ENAH: variants seen among roughly 807,000 people sequenced by gnomAD.
The protein encoded by ENAH is ENAH actin regulator.
A neutral mutation model predicts 78.7 loss-of-function variants in ENAH; 23 were observed. The ratio of observed to expected loss-of-function variants is 0.29; its 90% confidence interval spans 0.21 to 0.41. ENAH has a LOEUF of 0.41. ENAH is among the 10% of genes least tolerant of loss of function. The pLI is 1.00. For missense variants in ENAH, 544 were observed against 691.0 expected (o/e 0.79, Z 2.39); for synonymous variants, 226 against 241.0 (o/e 0.94, Z 0.58).
At chr1:225,522,135 C>G (rs1326735251) in intron 4 of ENAH, among the ~76,000 whole-genome samples, 1 of 152,138 alleles carries the variant, frequency 6.6e-6, no homozygotes, top group Non-Finnish European at 1.5e-5. Flanking sequence ...TTGGGACTTT[C>G]TGGACTGGCT....
At chr1:225,504,911 A>G (rs1553413536) in intron 11 of ENAH, 2 of 1,041,018 alleles carry the variant, frequency 1.9e-6, no homozygotes, top group Non-Finnish European at 2.8e-6. Context: ...GTGATTACCA[A>G]TCCAGGTAGA....
chr1:225,530,907 TAAAAC>T (rs1439551601), intron 3 of ENAH: 2 of 419,146 alleles, frequency 4.8e-6, no homozygotes, highest in African/African-American at 2.0e-5. Context: ...AGAGCTTGAG[TAAAAC>T]AAGTGTTCGA....
chr1:225,637,081 T>C (rs1445505667), intron 1 of ENAH, among the ~76,000 whole-genome samples: 2 of 152,148 alleles, frequency 1.3e-5, no homozygotes, highest in African/African-American at 4.8e-5. Context: ...TGAATTCACA[T>C]GGGGAGTATT....
At chr1:225,543,424 G>C (rs2096598857) in intron 3 of ENAH, among the ~76,000 whole-genome samples, 2 of 152,148 alleles carry the variant, frequency 1.3e-5, no homozygotes, top group Non-Finnish European at 2.9e-5. Flanking sequence ...AAATTTTCCA[G>C]AACACAGAAG....
At chr1:225,637,620 T>C (rs1660297608) in intron 1 of ENAH, among the ~76,000 whole-genome samples, 1 of 152,164 alleles carries the variant, frequency 6.6e-6, no homozygotes, top group African/African-American at 2.4e-5. Context: ...GTAATGCAAA[T>C]AACCATTCTA....
At chr1:225,621,567 C>T (rs1240140957) in intron 1 of ENAH, among the ~76,000 whole-genome samples, 3 of 151,968 alleles carry the variant, frequency 2.0e-5, no homozygotes, top group Admixed American at 2.0e-4. Context: ...GCTGGGATTA[C>T]AGGCGTGAGC....
intron 9 of ENAH, among the ~76,000 whole-genome samples, chr1:225,512,299 CAT>C (rs1287189564): frequency 2.6e-5 from 4 of 152,322 alleles, no homozygotes; most frequent in African/African-American, 4.8e-5. Context: ...CTAAGGGAAA[CAT>C]ATGAATTTAG....
At chr1:225,565,279 T>C (rs1397583553) in intron 2 of ENAH, among the ~76,000 whole-genome samples, 2 of 151,770 alleles carry the variant, frequency 1.3e-5, no homozygotes, top group African/African-American at 2.4e-5. Context: ...CTACTAAAAA[T>C]ACAAAATTAG....
chr1:225,500,818 C>T (rs190872470), intron 12 of ENAH, among the ~76,000 whole-genome samples, 174 bp downstream of exon 12: 8 of 152,250 alleles, frequency 5.3e-5, no homozygotes, highest in Admixed American at 2.0e-4. Flanking sequence ...CTCAATGAAC[C>T]GGAAGTGTAG....
chr1:225,555,163 T>C, intron 2 of ENAH, 80 bp from the exon 3 acceptor site: 1 of 1,242,326 alleles, frequency 8.0e-7, no homozygotes, highest in Non-Finnish European at 1.1e-6. Context: ...ATTGTATATA[T>C]TCATTCAAAT....
intron 3 of ENAH, among the ~76,000 whole-genome samples, chr1:225,549,383 G>A (rs2151387153): frequency 6.6e-6 from 1 of 152,138 alleles, no homozygotes; most frequent in South Asian, 2.1e-4. Context: ...TCTGTCTCTG[G>A]TTAACAGGAC....
chr1:225,601,910 T>A (rs2096933107), intron 1 of ENAH, among the ~76,000 whole-genome samples: 1 of 144,508 alleles, frequency 6.9e-6, no homozygotes, highest in Non-Finnish European at 1.5e-5. Flanking sequence ...TTACCAGAAA[T>A]AAGAAGGTGA....
chr1:225,526,176 C>T (rs2096503112), intron 4 of ENAH, among the ~76,000 whole-genome samples: 1 of 152,132 alleles, frequency 6.6e-6, no homozygotes, highest in Admixed American at 6.6e-5. Context: ...CTCCTTCCCA[C>T]TCCCCCAGAA....
At chr1:225,560,232 T>A (rs1479628891) in intron 2 of ENAH, among the ~76,000 whole-genome samples, 1 of 151,902 alleles carries the variant, frequency 6.6e-6, no homozygotes, top group African/African-American at 2.4e-5. Context: ...AGGTAGCTCA[T>A]GGTAATTCCA....
At chr1:225,631,916 A>C (rs1284411755) in intron 1 of ENAH, among the ~76,000 whole-genome samples, 4 of 152,226 alleles carry the variant, frequency 2.6e-5, no homozygotes, top group Non-Finnish European at 5.9e-5. Context: ...ATAATTTATA[A>C]GAAAAGACTA....
chr1:225,488,993 G>A lies in ENAH; in HGVS notation c.*8782C>T, dbSNP rs1575259723. Reference sequence around the variant, plus strand: ...AAGATGGAAGATATAAAATAAGAAGGGCAGGAGGGTAAGATTATTCCTTTT... The same window carrying A: ...AAGATGGAAGATATAAAATAAGAAGAGCAGGAGGGTAAGATTATTCCTTTT... On this transcript the variant is annotated 3_prime_UTR_variant, in exon 14 of 14. Transcript: ENST00000366843. The A allele has an allele frequency of 2.0e-5, 3 of 152,182 alleles. No homozygotes were observed. Among genetic ancestry groups the A allele is most frequent in the Non-Finnish European group, 4.4e-5 (3 of 68,032 alleles). 9.4% of individuals were successfully genotyped at this position (152,182 alleles called of 1,614,324 possible).
chr1:225,607,815 G>A (rs1209389982), intron 1 of ENAH, among the ~76,000 whole-genome samples: 1 of 152,068 alleles, frequency 6.6e-6, no homozygotes, highest in Non-Finnish European at 1.5e-5. Context: ...AGAGAGACCT[G>A]GAGACACTGA....
intron 1 of ENAH, among the ~76,000 whole-genome samples, chr1:225,601,639 A>T (rs1166877846): frequency 6.6e-6 from 1 of 152,154 alleles, no homozygotes; most frequent in Non-Finnish European, 1.5e-5. Flanking sequence ...ATGGACGGGG[A>T]TACATTTTTT....
chr1:225,636,751 C>CA (rs1226994550), intron 1 of ENAH, among the ~76,000 whole-genome samples: 15 of 151,930 alleles, frequency 9.9e-5, no homozygotes, highest in Non-Finnish European at 1.5e-5. Flanking sequence ...TTAATTTATT[C>CA]AAAAAAGTTA....
Sources: gnomAD v4.1 joint callset for allele counts (sites outside exome capture counted in the v4.1 genomes callset) on GRCh38, gnomAD v4.1.1 for gene constraint, MANE v1.5 for transcripts, NCBI Gene and HGNC (gene_info 2026-07-23, HGNC 2026-07-21) for gene names.